The following TSTD2 variants were observed in gnomAD, a reference collection of about 807,000 sequenced individuals.
The protein encoded by TSTD2 is thiosulfate sulfurtransferase like domain containing 2, also known as thiosulfate sulfurtransferase/rhodanese-like domain-containing protein 2.
Under a neutral mutation model 47.9 loss-of-function variants are expected in TSTD2, and 37 were observed. The observed-to-expected ratio is 0.77, with a 90% CI of 0.59 to 1.02. The LOEUF (loss-of-function observed/expected upper bound fraction) is 1.02, where lower values mean the gene tolerates loss of function less well. TSTD2 is among the 50% of genes least tolerant of loss of function. The pLI, the probability that TSTD2 is intolerant of heterozygous loss-of-function variation, is 0.00. For missense variants in TSTD2, 586 were observed against 616.0 expected (o/e 0.95, Z 0.52); for synonymous variants, 201 against 215.9 (o/e 0.93, Z 0.61).
At chr9:97,618,265 T>C (rs1035945022) in intron 3 of TSTD2, among the ~76,000 whole-genome samples, 3 of 152,248 alleles carry the variant, frequency 2.0e-5, no homozygotes, top group Non-Finnish European at 4.4e-5. Context: ...TTTATTCTTA[T>C]AACCCTCTTT....
chr9:97,625,731 C>T lies in TSTD2; in HGVS notation c.432G>A (p.Val144=), dbSNP rs942635246. 1.2e-6 allele frequency: 2 copies of T among 1,614,038 alleles called. No individual in the cohort carries two copies. Among genetic ancestry groups the T allele is most frequent in the South Asian group, 2.2e-5 (2 of 91,078 alleles). Residue 144 remains valine (V), a synonymous_variant, in exon 3 of 10, where the codon GTG becomes GTA. Coordinates refer to ENST00000341170, the MANE Select transcript of TSTD2 (RefSeq NM_139246.5). ...AGCTTATATCAGGGAGCCAAGCAGA[C>T]ACGTCATGGCTATGTGGAAGGCACT... The part of the protein sequence containing the change: ...LKECLPHSHD[V]SAWLPDISCF...
intron 4 of TSTD2, among the ~76,000 whole-genome samples, chr9:97,613,827 CTTTTTT>C (rs755229835): frequency 8.1e-6 from 1 of 123,074 alleles, no homozygotes; most frequent in Admixed American, 8.2e-5. Context: ...TTGATCAATT[CTTTTTT>C]TTTTTTTTTT....
intron 6 of TSTD2, 128 bp from the exon 7 acceptor site, chr9:97,606,389 C>T: frequency 1.7e-6 from 1 of 597,858 alleles, no homozygotes; most frequent in Non-Finnish European, 2.9e-6. Context: ...TTCATAATTA[C>T]AACTGTCTGA....
intron 3 of TSTD2, 39 bp from the exon 4 acceptor site, chr9:97,617,916 G>T (rs767895286): frequency 1.3e-6 from 2 of 1,594,702 alleles, no homozygotes; most frequent in Admixed American, 1.8e-5. Flanking sequence ...CATTTGAGTC[G>T]CTGGCATAAA....
Position 97,610,382 on chromosome 9 carries a change from C to A in TSTD2, c.799G>T (p.Gly267Trp). 1 of 1,602,822 alleles carries A rather than the reference C, an allele frequency of 6.2e-7. No individual in the cohort carries two copies. Among genetic ancestry groups the A allele is most frequent in the South Asian group, 1.1e-5 (1 of 88,994 alleles). The change falls in exon 6 of 10, where the codon GGG becomes TGG. Residue 267 changes from glycine to tryptophan, a missense_variant. By Grantham distance (184) the Gly-to-Trp change is radical. Transcript: ENST00000341170. ...VGVFEEIVPM[G>W]ISPKKISYKK... ...TAGGAGATCTTTTTGGGGCTGATCC[C>A]CATGGGCACGATTTCTTCAAATACA...
At chr9:97,620,174 T>C (rs569631126) in intron 3 of TSTD2, among the ~76,000 whole-genome samples, 3 of 152,264 alleles carry the variant, frequency 2.0e-5, no homozygotes, top group African/African-American at 7.2e-5. Flanking sequence ...GGTAGGTCTT[T>C]CCCATGCTGT....
chr9:97,602,995 C>A (rs1385050178), intron 9 of TSTD2: 1 of 452,088 alleles, frequency 2.2e-6, no homozygotes, highest in Admixed American at 4.3e-5. Context: ...CCAGTATTTA[C>A]TGACTTTTTT....
At chr9:97,620,195 C>G (rs59478543) in intron 3 of TSTD2, among the ~76,000 whole-genome samples, 17,946 of 152,046 alleles carry the variant, frequency 0.12, 3,011 homozygotes, top group African/African-American at 0.37. Flanking sequence ...TCTCATGAGA[C>G]TGAATAAATC....
At chr9:97,622,789 T>G (rs1826661733) in intron 3 of TSTD2, among the ~76,000 whole-genome samples, 1 of 152,250 alleles carries the variant, frequency 6.6e-6, no homozygotes, top group Non-Finnish European at 1.5e-5. Context: ...GATTTAGGAC[T>G]TGCATGGGGC....
rs1397465186 is a variant in TSTD2, at chr9:97,601,074, G to A, written c.*1395C>T. The A allele has an allele frequency of 2.3e-6, 3 of 1,304,152 alleles. No individual in the cohort carries two copies. Among genetic ancestry groups the A allele is most frequent in the Non-Finnish European group, 3.0e-6 (3 of 988,958 alleles). The allele number at this position is 1,304,152 out of a possible 1,614,324, so 80.8% of individuals were successfully genotyped here. A position where few individuals can be genotyped will look rare whatever the true frequency, so the allele number is the denominator to read the frequency against. On this transcript the variant is annotated 3_prime_UTR_variant, in exon 10 of 10. Coordinates refer to ENST00000341170, the MANE Select transcript of TSTD2 (RefSeq NM_139246.5). ...AGGCAGTGGGCAGTACAGGGTAACTGGAGGCGGGGCCAGGGCCTCAGCGCT... is the reference window on the plus strand; with the variant it reads ...AGGCAGTGGGCAGTACAGGGTAACTAGAGGCGGGGCCAGGGCCTCAGCGCT...
At position 97,610,374 on chromosome 9, in the gene TSTD2, G is replaced by T. The variant is rs760448403; in HGVS notation, c.807C>A (p.Ser269Arg). ...VFEEIVPMGI[S>R]PKKISYKKPG... ...GCTTCTTGTAGGAGATCTTTTTGGGGCTGATCCCCATGGGCACGATTTCTT... is the reference window on the plus strand; with the variant it reads ...GCTTCTTGTAGGAGATCTTTTTGGGTCTGATCCCCATGGGCACGATTTCTT... Residue 269 changes from serine (S) to arginine (R), a missense_variant, in exon 6 of 10, where the codon AGC (serine) becomes AGA (arginine). Ser to Arg is a moderately radical substitution (Grantham distance 110). Transcript: ENST00000341170. The T allele has an allele frequency of 5.6e-5, 90 of 1,603,922 alleles. No individual in the cohort carries two copies. The highest frequency in any genetic ancestry group is 4.5e-5 in the Non-Finnish European group (53 of 1,176,064).
chr9:97,624,072 A>T (rs988424079), intron 3 of TSTD2, among the ~76,000 whole-genome samples: 1 of 152,142 alleles, frequency 6.6e-6, no homozygotes, highest in Non-Finnish European at 1.5e-5. Context: ...CACACTAAAA[A>T]GTAACAACTC....
intron 3 of TSTD2, among the ~76,000 whole-genome samples, chr9:97,623,947 C>A (rs895889513): frequency 1.3e-5 from 2 of 152,098 alleles, no homozygotes; most frequent in African/African-American, 2.4e-5. Flanking sequence ...ATATAGTATG[C>A]ATGTTATTGG....
At chr9:97,622,686 T>C (rs1826659711) in intron 3 of TSTD2, among the ~76,000 whole-genome samples, 1 of 152,232 alleles carries the variant, frequency 6.6e-6, no homozygotes. Context: ...CCCAGTATCA[T>C]GGGAACCAAT....
In TSTD2 at chr9:97,625,754, A is replaced by C. The variant is rs778521674; in HGVS notation, c.409T>G (p.Cys137Gly). 1 of 1,614,070 alleles carries C rather than the reference A, an allele frequency of 6.2e-7. No homozygotes were observed. Among genetic ancestry groups the C allele is most frequent in the Non-Finnish European group, 8.5e-7 (1 of 1,179,968 alleles). The change falls in exon 3 of 10, where the codon TGC becomes GGC. Residue 137 changes from cysteine (C) to glycine (G), a missense_variant. Coordinates refer to ENST00000341170, the MANE Select transcript of TSTD2 (RefSeq NM_139246.5). ...GACACGTCATGGCTATGTGGAAGGC[A>C]CTCTTTTAAAGGGTTCTTTTCATCT... The part of the protein sequence containing the change: ...SADEKNPLKE[C>G]LPHSHDVSAW...
intron 1 of TSTD2, among the ~76,000 whole-genome samples, chr9:97,632,835 G>A (rs1260215657): frequency 6.6e-6 from 1 of 152,204 alleles, no homozygotes; most frequent in Non-Finnish European, 1.5e-5. Context: ...AGCGGCCGAC[G>A]GATGACGTCA....
Position 97,600,658 on chromosome 9 carries a change from A to G in TSTD2, c.*1811T>C. 1 of 991,656 alleles carries G rather than the reference A, an allele frequency of 1.0e-6. No homozygotes were observed. Among genetic ancestry groups the G allele is most frequent in the Non-Finnish European group, 1.2e-6 (1 of 833,820 alleles). 61.4% of individuals were successfully genotyped at this position (991,656 alleles called of 1,614,324 possible). ...AGCTACTGATCTCATCACTTATTAG[A>G]CAAATTGCTGCTGACCTTACGCCTG... On this transcript the variant is annotated 3_prime_UTR_variant, in exon 10 of 10. Coordinates refer to ENST00000341170, the MANE Select transcript of TSTD2 (RefSeq NM_139246.5).
Position 97,605,487 on chromosome 9 carries a change from G to C in TSTD2, c.1109C>G (p.Ala370Gly). Residue 370 changes from alanine to glycine, a missense_variant, in exon 8 of 10, where the codon GCC becomes GGC. Ala to Gly is a moderately conservative substitution (Grantham distance 60, BLOSUM62 0). Coordinates refer to ENST00000341170, the MANE Select transcript of TSTD2 (RefSeq NM_139246.5). ...RCERGSAYLK[A>G]KGVCKEVFQL... ...TGCCCCGGGGTGGTGGCTCACCTTG[G>C]CTTTGAGGTAGGCTGAACCCCGCTC... 6.2e-7 allele frequency: 1 copy of C among 1,613,476 alleles called. No homozygotes were observed. The highest frequency in any genetic ancestry group is 8.5e-7 in the Non-Finnish European group (1 of 1,179,854).
chr9:97,603,435 T>C (rs1043669797), intron 9 of TSTD2, among the ~76,000 whole-genome samples: 1 of 152,188 alleles, frequency 6.6e-6, no homozygotes, highest in Non-Finnish European at 1.5e-5. Context: ...GTCCAGCCAA[T>C]ATAACCTCTG....
Sources: gnomAD v4.1 joint callset for allele counts (sites outside exome capture counted in the v4.1 genomes callset) on GRCh38, gnomAD v4.1.1 for gene constraint, MANE v1.5 for transcripts, NCBI Gene and HGNC (gene_info 2026-07-23, HGNC 2026-07-21) for gene names.